The following ACTN4 variants were observed in gnomAD, a reference collection of about 807,000 sequenced individuals.
The protein encoded by ACTN4 is actinin alpha 4, also known as alpha-actinin-4.
A neutral mutation model predicts 114.2 loss-of-function variants in ACTN4; 18 were observed. That is an observed-to-expected ratio of 0.16 (90% CI 0.11 to 0.23). The LOEUF (loss-of-function observed/expected upper bound fraction) is 0.23. ACTN4 is among the 10% of genes least tolerant of loss of function. The pLI, the probability that ACTN4 is intolerant of heterozygous loss-of-function variation, is 1.00. For missense variants in ACTN4, 722 were observed against 1,262.9 expected (o/e 0.57, Z 6.49); for synonymous variants, 515 against 506.3 (o/e 1.02, Z -0.23).
intron 13 of ACTN4, 37 bp downstream of exon 13, chr19:38,723,759 C>A (rs768653545): frequency 5.8e-6 from 9 of 1,538,524 alleles, no homozygotes; most frequent in Non-Finnish European, 8.0e-6. Flanking sequence ...GAGCTCTGTG[C>A]CCCTGCTGCC....
At chr19:38,693,931 A>AC (rs936500950) in intron 1 of ACTN4, among the ~76,000 whole-genome samples, 1 of 151,270 alleles carries the variant, frequency 6.6e-6, no homozygotes, top group East Asian at 1.9e-4. Context: ...CTGTTCTTCC[A>AC]CCCCCCTTCC....
chr19:38,674,082 A>G (rs1967298822), intron 1 of ACTN4, among the ~76,000 whole-genome samples: 1 of 152,002 alleles, frequency 6.6e-6, no homozygotes, highest in South Asian at 2.1e-4. Context: ...GCCCGGTGTG[A>G]TTATTTTTAT....
intron 12 of ACTN4, among the ~76,000 whole-genome samples, chr19:38,722,703 C>T (rs560613067): frequency 1.3e-5 from 2 of 152,192 alleles, no homozygotes; most frequent in Non-Finnish European, 2.9e-5. Context: ...GCAGCACCCT[C>T]GGGGGTGTGG....
In ACTN4 at chr19:38,721,753, G is replaced by A. The variant is rs182683652; in HGVS notation, c.1442+65G>A. 2,289 of 1,597,908 alleles carry A rather than the reference G, an allele frequency of 1.4e-3. 37 individuals are homozygous for A. The South Asian group carries it at 0.02, about 14-fold the overall frequency. ...ACCACAGCCTGCCCAGACTGGTGGCGGCAGCACGCCGAGGCCCAGCCTGCC... is the reference window on the plus strand; with the variant it reads ...ACCACAGCCTGCCCAGACTGGTGGCAGCAGCACGCCGAGGCCCAGCCTGCC... On this transcript the variant is annotated intron_variant, in intron 12 of 20. Coordinates refer to ENST00000252699, the MANE Select transcript of ACTN4 (RefSeq NM_004924.6).
intron 5 of ACTN4, 70 bp from the exon 6 acceptor site, chr19:38,708,033 TCACTGCTGTGGGTG>T (rs1168676892): frequency 7.3e-7 from 1 of 1,367,258 alleles, no homozygotes; most frequent in Non-Finnish European, 1.0e-6. Context: ...TGGGAATTAG[TCACTGCTGTGGGTG>T]CACAGGGCCA....
Position 38,731,349 on chromosome 19 carries a change from C to T in ACTN4, c.*1917C>T, listed in dbSNP as rs111915924. 4,332 of 720,306 alleles carry T rather than the reference C, an allele frequency of 6.0e-3. 93 individuals carry two copies. The highest frequency in any genetic ancestry group is 0.04 in the Admixed American group (2,009 of 49,802). The allele number at this position is 720,306 out of a possible 1,614,324, so 44.6% of individuals were successfully genotyped here. ...TGTCACACCCCAACTCTGCCCCATC[C>T]CGGCAGGGTGAGTACAGGCTGATCC... On this transcript the variant is annotated 3_prime_UTR_variant, in exon 21 of 21. Transcript: ENST00000252699.
intron 12 of ACTN4, 69 bp from the exon 13 acceptor site, chr19:38,723,545 G>T: frequency 8.3e-7 from 1 of 1,198,340 alleles, no homozygotes; most frequent in Non-Finnish European, 1.2e-6. Context: ...GAACCTTGGG[G>T]GTAGATGGGT....
intron 8 of ACTN4, among the ~76,000 whole-genome samples, chr19:38,710,576 C>T (rs759399833): frequency 1.3e-5 from 2 of 152,232 alleles, no homozygotes; most frequent in Non-Finnish European, 2.9e-5. Context: ...GTGACTGAGT[C>T]AGACAAGGTC....
At chr19:38,673,538 T>C (rs1306234405) in intron 1 of ACTN4, among the ~76,000 whole-genome samples, 23 of 59,826 alleles carry the variant, frequency 3.8e-4, no homozygotes, top group East Asian at 2.0e-3. Context: ...CATATATACT[T>C]ATATATATTT....
chr19:38,728,610 C>T (rs544181720), intron 19 of ACTN4, among the ~76,000 whole-genome samples: 3 of 152,244 alleles, frequency 2.0e-5, no homozygotes, highest in South Asian at 4.1e-4. Flanking sequence ...TAGAAGTCTC[C>T]AGAAAGAGGG....
intron 11 of ACTN4, among the ~76,000 whole-genome samples, chr19:38,719,951 A>G (rs1055593511): frequency 6.6e-6 from 1 of 152,158 alleles, no homozygotes; most frequent in Non-Finnish European, 1.5e-5. Context: ...CGGCCTCCAC[A>G]CGTCCCTGCC....
chr19:38,675,929 C>T (rs1369371649), intron 1 of ACTN4, among the ~76,000 whole-genome samples: 11 of 152,216 alleles, frequency 7.2e-5, no homozygotes, highest in South Asian at 2.1e-4. Context: ...TTCTCCCAAA[C>T]GTAAGCTGTG....
intron 1 of ACTN4, among the ~76,000 whole-genome samples, chr19:38,673,844 G>A (rs184513851): frequency 0.013 from 1,658 of 130,038 alleles, 47 homozygotes; most frequent in African/African-American, 0.046. Flanking sequence ...GTGCAGTAGC[G>A]TGATCTCAGC....
chr19:38,654,083 A>C, intron 1 of ACTN4, among the ~76,000 whole-genome samples: 1 of 151,556 alleles, frequency 6.6e-6, no homozygotes, highest in Non-Finnish European at 1.5e-5. Context: ...CCCAGGTATC[A>C]CTTAACTTTT....
At chr19:38,706,845 G>C (rs1045498971) in intron 5 of ACTN4, among the ~76,000 whole-genome samples, 1 of 152,232 alleles carries the variant, frequency 6.6e-6, no homozygotes, top group Non-Finnish European at 1.5e-5. Context: ...CCATGAACCT[G>C]CTTCCCTCAG....
In ACTN4 at chr19:38,729,741, A is replaced by G. The variant is rs1192504789; in HGVS notation, c.*309A>G. On this transcript the variant is annotated 3_prime_UTR_variant, in exon 21 of 21. Transcript: ENST00000252699. ...TCCCACAGCACAACCGGTCCCTTCC[A>G]TGCCCTGGGATGCCTCACCACACCC... is the stretch of plus-strand genomic sequence containing the variant. 7.1e-6 allele frequency: 4 copies of G among 561,312 alleles called. No individual in the cohort carries two copies. Among genetic ancestry groups the G allele is most frequent in the Non-Finnish European group, 1.3e-5 (4 of 297,330 alleles). The allele number at this position is 561,312 out of a possible 1,614,324, so 34.8% of individuals were successfully genotyped here. A position where few individuals can be genotyped will look rare whatever the true frequency, so the allele number is the denominator to read the frequency against.
intron 1 of ACTN4, among the ~76,000 whole-genome samples, chr19:38,671,256 A>C (rs577018524): frequency 6.6e-6 from 1 of 152,246 alleles, no homozygotes; most frequent in Non-Finnish European, 1.5e-5. Context: ...AATTCCTCCC[A>C]CCATATTGCA....
intron 1 of ACTN4, among the ~76,000 whole-genome samples, chr19:38,686,887 C>T (rs574262836): frequency 6.6e-6 from 1 of 152,078 alleles, no homozygotes; most frequent in East Asian, 1.9e-4. Context: ...TACCCCGGGC[C>T]GCCTATCCCC....
intron 2 of ACTN4, 132 bp from the exon 3 acceptor site, chr19:38,700,870 G>C: frequency 5.6e-6 from 8 of 1,427,838 alleles, no homozygotes; most frequent in Non-Finnish European, 7.7e-6. Flanking sequence ...TGGGGCCAGA[G>C]TGGCCTGGTG....
Sources: gnomAD v4.1 joint callset for allele counts (sites outside exome capture counted in the v4.1 genomes callset) on GRCh38, gnomAD v4.1.1 for gene constraint, MANE v1.5 for transcripts, NCBI Gene and HGNC (gene_info 2026-07-23, HGNC 2026-07-21) for gene names.